DPP6: variants seen among roughly 807,000 people sequenced by gnomAD.
The protein encoded by DPP6 is A-type potassium channel modulatory protein DPP6.
DPP6 carries 69 observed loss-of-function variants against 122.6 expected under a neutral mutation model. The ratio of observed to expected loss-of-function variants is 0.56; its 90% CI spans 0.46 to 0.69. The LOEUF is 0.69. DPP6 is among the 30% of genes least tolerant of loss of function. DPP6 has a pLI of 0.00. For missense variants in DPP6, 928 were observed against 1,116.9 expected, an observed-to-expected ratio of 0.83 and a Z score of 2.41; for synonymous variants, 418 against 433.1, an observed-to-expected ratio of 0.97 and a Z score of 0.43.
the DPP6 span, among the ~76,000 whole-genome samples, chr7:153,755,681 A>G: frequency 3.9e-5 from 6 of 152,080 alleles, no homozygotes; most frequent in Non-Finnish European, 8.8e-5. Flanking sequence ...CTGCTTAGGA[A>G]TTGAGCAGCC....
At position 154,063,400 on chromosome 7, in the gene DPP6, T is replaced by G. The variant is rs1446991728; in HGVS notation, c.243+10337T>G. On this transcript the variant is annotated intron_variant, in intron 1 of 25. Coordinates refer to ENST00000377770, the MANE Select transcript of DPP6 (RefSeq NM_130797.4). ...CCACGAGGGTGGGGACTGAGAGCTA[T>G]CCCCTCTTCCGCCCCTGGCTGTTGG... Among the ~76,000 whole-genome samples, 32 of 124,340 alleles carry G rather than the reference T, an allele frequency of 2.6e-4. 3 individuals carry two copies. Among genetic ancestry groups the G allele is most frequent in the Admixed American group, 7.6e-4 (9 of 11,876 alleles). 81.6% of individuals were successfully genotyped at this position (124,340 alleles called of 152,430 possible).
intron 1 of DPP6, among the ~76,000 whole-genome samples, chr7:153,973,659 G>GT (rs1340066421): frequency 7.7e-6 from 1 of 130,416 alleles, no homozygotes; most frequent in Non-Finnish European, 1.7e-5. Flanking sequence ...GTGTGTGTGT[G>GT]TGTGTGTGTG....
At chr7:154,409,475 C>A (rs1816411087) in intron 1 of DPP6, among the ~76,000 whole-genome samples, 1 of 152,100 alleles carries the variant, frequency 6.6e-6, no homozygotes, top group Non-Finnish European at 1.5e-5. Flanking sequence ...ATTATGGTAG[C>A]CTTAGAAACT....
intron 3 of DPP6, among the ~76,000 whole-genome samples, chr7:154,503,433 CCTGACCAGGCTTTT>C (rs994251922): frequency 6.6e-6 from 1 of 152,158 alleles, no homozygotes; most frequent in African/African-American, 2.4e-5. Context: ...ACACGATGTA[CCTGACCAGGCTTTT>C]CTTATGTAAC....
intron 5 of DPP6, among the ~76,000 whole-genome samples, chr7:154,577,223 G>A (rs1434059158): frequency 2.0e-5 from 3 of 152,098 alleles, no homozygotes; most frequent in Non-Finnish European, 4.4e-5. Context: ...GATTCGGGGA[G>A]GGTCGTGGGG....
At chr7:154,802,167 G>T (rs1408663816) in intron 13 of DPP6, among the ~76,000 whole-genome samples, 1 of 152,160 alleles carries the variant, frequency 6.6e-6, no homozygotes. Context: ...AGTTTTGGAG[G>T]CAGTCTAAAG....
intron 1 of DPP6, among the ~76,000 whole-genome samples, chr7:153,960,376 A>C (rs12531439): frequency 0.39 from 59,734 of 151,828 alleles, 12,428 homozygotes; most frequent in Admixed American, 0.52. Context: ...TTTTAGTTGG[A>C]CAAAAACACA....
At chr7:153,858,018 C>T in the DPP6 span, among the ~76,000 whole-genome samples, 1 of 152,228 alleles carries the variant, frequency 6.6e-6, no homozygotes, top group African/African-American at 2.4e-5. Flanking sequence ...CATTTACATA[C>T]TGATGTACTT....
At chr7:153,900,708 A>T (rs1029670977) in intron 1 of DPP6, among the ~76,000 whole-genome samples, 2 of 152,118 alleles carry the variant, frequency 1.3e-5, no homozygotes, top group East Asian at 3.9e-4. Flanking sequence ...AACCTTGGGG[A>T]TCAAATTTGA....
intron 1 of DPP6, among the ~76,000 whole-genome samples, chr7:154,022,055 G>A (rs1393915455): frequency 2.0e-5 from 3 of 151,994 alleles, no homozygotes; most frequent in Non-Finnish European, 2.9e-5. Context: ...TCAATGGGAG[G>A]AATCCTAGAA....
chr7:154,423,384 A>C (rs1817643530), intron 1 of DPP6, among the ~76,000 whole-genome samples: 2 of 152,136 alleles, frequency 1.3e-5, no homozygotes, highest in African/African-American at 4.8e-5. Flanking sequence ...CCAGACACAG[A>C]GGCTCTGTCC....
At chr7:154,593,214 G>A (rs899398703) in intron 5 of DPP6, among the ~76,000 whole-genome samples, 7 of 152,208 alleles carry the variant, frequency 4.6e-5, no homozygotes, top group African/African-American at 1.7e-4. Flanking sequence ...GCAGTTTACC[G>A]CACTCTGTGA....
At chr7:154,711,174 T>C (rs137936824) in intron 7 of DPP6, among the ~76,000 whole-genome samples, 2 of 152,348 alleles carry the variant, frequency 1.3e-5, no homozygotes, top group Non-Finnish European at 2.9e-5. Flanking sequence ...AAGTTTTTAA[T>C]TGATATAGAG....
chr7:154,175,004 G>T (rs1190001899), intron 1 of DPP6, among the ~76,000 whole-genome samples: 1 of 151,680 alleles, frequency 6.6e-6, no homozygotes, highest in Non-Finnish European at 1.5e-5. Flanking sequence ...CTCCCGAGTA[G>T]CTGGGATTGC....
chr7:154,812,579 G>A (rs1232092235), intron 16 of DPP6, among the ~76,000 whole-genome samples: 3 of 152,012 alleles, frequency 2.0e-5, no homozygotes, highest in Non-Finnish European at 1.5e-5. Flanking sequence ...AGAGCTCTCT[G>A]GGGCCTCATT....
At chr7:154,574,852 G>A (rs1365830895) in intron 5 of DPP6, among the ~76,000 whole-genome samples, 1 of 142,410 alleles carries the variant, frequency 7.0e-6, no homozygotes, top group Non-Finnish European at 1.5e-5. Context: ...TGTGTGATGT[G>A]TGTGGTGTGT....
intron 9 of DPP6, among the ~76,000 whole-genome samples, chr7:154,771,660 C>T (rs1197642117): frequency 6.6e-6 from 1 of 152,210 alleles, no homozygotes; most frequent in Non-Finnish European, 1.5e-5. Context: ...AAGAGAGCCC[C>T]AGAAGGAAGA....
chr7:153,930,601 T>C (rs1369246602), intron 1 of DPP6, among the ~76,000 whole-genome samples: 1 of 152,214 alleles, frequency 6.6e-6, no homozygotes, highest in Non-Finnish European at 1.5e-5. Context: ...ATAACAATGT[T>C]TTGTATTTTG....
intron 1 of DPP6, among the ~76,000 whole-genome samples, chr7:153,979,319 G>A (rs1286482165): frequency 6.6e-6 from 1 of 152,266 alleles, no homozygotes; most frequent in African/African-American, 2.4e-5. Context: ...GTGAATGGGA[G>A]TTCACTCATG....
Sources: gnomAD v4.1 joint callset for allele counts (sites outside exome capture counted in the v4.1 genomes callset) on GRCh38, gnomAD v4.1.1 for gene constraint, MANE v1.5 for transcripts, NCBI Gene and HGNC (gene_info 2026-07-23, HGNC 2026-07-21) for gene names.